PWWP2A: variants seen among roughly 807,000 people sequenced by gnomAD.
PWWP2A encodes PWWP domain-containing protein 2A.
A neutral mutation model predicts 48.5 loss-of-function variants in PWWP2A; 18 were observed. The ratio of observed to expected loss-of-function variants is 0.37; its 90% CI spans 0.26 to 0.55. The LOEUF is 0.55. Among genes scored for constraint, PWWP2A ranks in the 20% least tolerant of loss-of-function variants. PWWP2A has a pLI of 0.81. For missense variants in PWWP2A, 867 were observed against 976.4 expected (o/e 0.89, Z 1.49); for synonymous variants, 396 against 387.7 (o/e 1.02, Z -0.25).
At chr5:160,051,282 G>A in the PWWP2A span, 8 of 943,838 alleles carry the variant, frequency 8.5e-6, no homozygotes, top group Middle Eastern at 2.3e-4. Context: ...AGAAAGTTTC[G>A]GACTCTACCA....
chr5:160,096,693 A>C (rs73311162), intron 1 of PWWP2A, among the ~76,000 whole-genome samples: 1 of 152,152 alleles, frequency 6.6e-6, no homozygotes, highest in Non-Finnish European at 1.5e-5. Flanking sequence ...GCAGTGGTGC[A>C]ATCATGGATT....
downstream of PWWP2A, chr5:160,090,089 A>C (rs371014598): frequency 1.0e-6 from 1 of 985,398 alleles, no homozygotes. Flanking sequence ...GTCATTTGGC[A>C]TATCATTTGT....
At chr5:160,071,956 T>C (rs1462450086), downstream of PWWP2A, among the ~76,000 whole-genome samples, 2 of 152,202 alleles carry the variant, frequency 1.3e-5, no homozygotes, top group African/African-American at 4.8e-5. Context: ...CTGTACTTGA[T>C]ACATACCCAT....
intron 4 of PWWP2A, among the ~76,000 whole-genome samples, chr5:160,066,326 T>TCGC (rs1392318369): frequency 7.5e-6 from 1 of 133,594 alleles, no homozygotes; most frequent in Non-Finnish European, 1.5e-5. Context: ...GAGGGGGGTC[T>TCGC]CGCTCTGTCA....
intron 1 of PWWP2A, among the ~76,000 whole-genome samples, chr5:160,118,378 G>A (rs938214814): frequency 7.2e-5 from 11 of 152,108 alleles, no homozygotes; most frequent in Admixed American, 2.0e-4. Flanking sequence ...AAAGTTAAAC[G>A]TTAGAGGACA....
At chr5:160,049,658 G>A in the PWWP2A span, 1 of 1,574,510 alleles carries the variant, frequency 6.4e-7, no homozygotes, top group South Asian at 1.2e-5. Context: ...AGAGAAGCTT[G>A]TATGGTAAAA....
chr5:160,055,378 A>G, the PWWP2A span, among the ~76,000 whole-genome samples: 1 of 152,246 alleles, frequency 6.6e-6, no homozygotes. Context: ...CACATTGTCT[A>G]ACGGGGAAGC....
At position 160,091,433 on chromosome 5, in the gene PWWP2A, T is replaced by C. The variant is rs1755056898; in HGVS notation, c.*949A>G. On this transcript the variant is annotated 3_prime_UTR_variant, in exon 2 of 2. Transcript: ENST00000307063. ...TACACAATTACATTTTCTCATTTTC[T>C]GACCTGCAAACAGATACCTTAAACG... 1 of 979,694 alleles carries C rather than the reference T, an allele frequency of 1.0e-6. No homozygotes were observed. The highest frequency in any genetic ancestry group is 1.8e-5 in the African/African-American group (1 of 56,588). The allele number at this position is 979,694 out of a possible 1,614,324, so 60.7% of individuals were successfully genotyped here.
At chr5:160,106,820 C>CTTTTTTT (rs764479391) in intron 1 of PWWP2A, among the ~76,000 whole-genome samples, 97 of 119,770 alleles carry the variant, frequency 8.1e-4, no homozygotes, top group African/African-American at 2.7e-3. Flanking sequence ...AACCATTAAC[C>CTTTTTTT]TTTTTTTTTT....
intron 2 of PWWP2A, among the ~76,000 whole-genome samples, chr5:160,083,678 G>A (rs1423053816): frequency 3.3e-5 from 5 of 152,158 alleles, no homozygotes; most frequent in African/African-American, 4.8e-5. Flanking sequence ...GAAAGGGTTC[G>A]GGATGTGTGG....
chr5:160,047,346 T>A, the PWWP2A span, among the ~76,000 whole-genome samples: 1 of 152,200 alleles, frequency 6.6e-6, no homozygotes, highest in African/African-American at 2.4e-5. Context: ...TTTGGAGTCA[T>A]CCCTGATTGT....
chr5:160,108,586 G>A (rs1353118319), intron 1 of PWWP2A: 6 of 1,287,324 alleles, frequency 4.7e-6, no homozygotes, highest in Non-Finnish European at 6.1e-6. Flanking sequence ...ACCAAAAGTA[G>A]GGCTATTGCA....
chr5:160,049,756 C>T, the PWWP2A span: 13 of 1,135,928 alleles, frequency 1.1e-5, no homozygotes, highest in Non-Finnish European at 1.5e-5. Context: ...AATTAAATTC[C>T]ATTTCTGTGC....
At chr5:160,049,835 T>C in the PWWP2A span, among the ~76,000 whole-genome samples, 1 of 152,020 alleles carries the variant, frequency 6.6e-6, no homozygotes, top group African/African-American at 2.4e-5. Flanking sequence ...CCCAGCACTT[T>C]AGGAGGCCAA....
intron 1 of PWWP2A, among the ~76,000 whole-genome samples, chr5:160,114,265 T>C (rs1047683684): frequency 6.6e-6 from 1 of 152,138 alleles, no homozygotes; most frequent in African/African-American, 2.4e-5. Flanking sequence ...GCGCGGTGGC[T>C]CATGCCTGTA....
the PWWP2A span, among the ~76,000 whole-genome samples, chr5:160,055,770 A>C: frequency 2.0e-5 from 3 of 152,276 alleles, no homozygotes; most frequent in Non-Finnish European, 4.4e-5. Context: ...AGGGGCGTTC[A>C]GCTCTGCTCT....
At chr5:160,046,864 T>C in the PWWP2A span, among the ~76,000 whole-genome samples, 10 of 152,082 alleles carry the variant, frequency 6.6e-5, no homozygotes, top group East Asian at 1.7e-3. Flanking sequence ...GTACAAAAAT[T>C]AGCAGGGCAT....
At chr5:160,096,939 A>G (rs546143988) in intron 1 of PWWP2A, among the ~76,000 whole-genome samples, 2 of 152,036 alleles carry the variant, frequency 1.3e-5, no homozygotes, top group African/African-American at 4.8e-5. Flanking sequence ...CCTTAAAAGG[A>G]TTCAGATAAA....
chr5:160,068,308 A>G (rs1030590909), intron 2 of PWWP2A, among the ~76,000 whole-genome samples: 2 of 152,348 alleles, frequency 1.3e-5, no homozygotes, highest in Middle Eastern at 3.4e-3. Context: ...CAATGGGTCA[A>G]AATAATTTTT....
Sources: gnomAD v4.1 joint callset for allele counts (sites outside exome capture counted in the v4.1 genomes callset) on GRCh38, gnomAD v4.1.1 for gene constraint, MANE v1.5 for transcripts, NCBI Gene and HGNC (gene_info 2026-07-23, HGNC 2026-07-21) for gene names.